The following TRAPPC9 variants were observed in gnomAD, a reference collection of about 807,000 sequenced individuals.
TRAPPC9 encodes IKK2 binding protein.
In TRAPPC9, 83 loss-of-function variants were observed where a neutral mutation model predicts 124.0. That is an observed-to-expected ratio of 0.67 (90% CI 0.56 to 0.80). The LOEUF (loss-of-function observed/expected upper bound fraction) is 0.80. Among genes scored for constraint, TRAPPC9 ranks in the 30% least tolerant of loss-of-function variants. The probability of loss-of-function intolerance (pLI) is 0.00; values close to 1 mark genes in which losing one functional copy is unlikely to be tolerated. For synonymous variants in TRAPPC9, 638 were observed against 617.5 expected, an observed-to-expected ratio of 1.03 and a Z score of -0.49; for missense variants, 1,302 against 1,508.3, an observed-to-expected ratio of 0.86 and a Z score of 2.27.
At chr8:140,305,752 C>T (rs1241119140) in intron 10 of TRAPPC9, among the ~76,000 whole-genome samples, 1 of 152,088 alleles carries the variant, frequency 6.6e-6, no homozygotes, top group Non-Finnish European at 1.5e-5. Context: ...GGCAAAATTC[C>T]CTGAAACCTC....
chr8:140,120,829 A>G (rs561735250), intron 17 of TRAPPC9, among the ~76,000 whole-genome samples: 4 of 150,412 alleles, frequency 2.7e-5, no homozygotes, highest in Admixed American at 6.6e-5. Flanking sequence ...ACATCCATCC[A>G]TCCATCCATC....
intron 18 of TRAPPC9, among the ~76,000 whole-genome samples, chr8:139,994,805 A>G (rs1030556876): frequency 6.6e-6 from 1 of 152,238 alleles, no homozygotes; most frequent in East Asian, 1.9e-4. Flanking sequence ...AGAGAGAATG[A>G]GCAGTTAAAG....
chr8:139,752,257 C>T (rs1300302919), intron 21 of TRAPPC9, among the ~76,000 whole-genome samples: 2 of 150,958 alleles, frequency 1.3e-5, no homozygotes, highest in Admixed American at 6.6e-5. Context: ...CACCCATCTA[C>T]CATCCATCCA....
chr8:140,079,556 C>T (rs933973204), intron 17 of TRAPPC9, among the ~76,000 whole-genome samples: 1 of 152,192 alleles, frequency 6.6e-6, no homozygotes, highest in African/African-American at 2.4e-5. Context: ...TCTCCCTACA[C>T]CCAAGGACCT....
chr8:140,399,151 A>C (rs539544496), intron 6 of TRAPPC9, among the ~76,000 whole-genome samples: 15 of 152,372 alleles, frequency 9.8e-5, no homozygotes, highest in Admixed American at 8.5e-4. Flanking sequence ...AGATGTATGG[A>C]AACAGCTGGA....
At chr8:139,884,991 T>G (rs1490573579) in intron 21 of TRAPPC9, among the ~76,000 whole-genome samples, 1 of 152,162 alleles carries the variant, frequency 6.6e-6, no homozygotes, top group African/African-American at 2.4e-5. Context: ...TGGAATCATT[T>G]CCATGTGTCT....
At chr8:140,395,756 T>C (rs1357961655) in intron 7 of TRAPPC9, among the ~76,000 whole-genome samples, 3 of 152,106 alleles carry the variant, frequency 2.0e-5, no homozygotes, top group Non-Finnish European at 2.9e-5. Flanking sequence ...CTCTCTCCTC[T>C]CTCCTCCACC....
rs776155126 is a variant in TRAPPC9, at chr8:140,033,658, G to GTTTTTTTTTTTTTTTTT, written c.2557-9596_2557-9580dup. Among the ~76,000 whole-genome samples, 6 of 42,396 alleles carry GTTTTTTTTTTTTTTTTT rather than the reference G, an allele frequency of 1.4e-4. 2 individuals are homozygous for GTTTTTTTTTTTTTTTTT. Among genetic ancestry groups the GTTTTTTTTTTTTTTTTT allele is most frequent in the Admixed American group, 3.7e-4 (1 of 2,678 alleles). 27.8% of individuals were successfully genotyped at this position (42,396 alleles called of 152,430 possible). A position where few individuals can be genotyped will look rare whatever the true frequency, so the allele number is the denominator to read the frequency against. On this transcript the variant is annotated intron_variant, in intron 17 of 22. Coordinates refer to ENST00000438773, the MANE Select transcript of TRAPPC9 (RefSeq NM_001160372.4). ...TTGAAATGCAACTCTTCATAATGTG[G>GTTTTTTTTTTTTTTTTT]TTTTTTTTTTTTTTTTTTTTTTTTT...
chr8:139,809,134 A>G (rs1386829662), intron 21 of TRAPPC9, among the ~76,000 whole-genome samples: 1 of 152,254 alleles, frequency 6.6e-6, no homozygotes, highest in African/African-American at 2.4e-5. Context: ...CTAGGAAACA[A>G]ATGCCAGATC....
At chr8:139,762,452 C>T (rs752204920) in intron 21 of TRAPPC9, among the ~76,000 whole-genome samples, 1 of 152,056 alleles carries the variant, frequency 6.6e-6, no homozygotes, top group Non-Finnish European at 1.5e-5. Context: ...GAGGTCAAGC[C>T]TCTACACACC....
chr8:140,142,762 T>C (rs1587798134), intron 17 of TRAPPC9, among the ~76,000 whole-genome samples: 3 of 152,370 alleles, frequency 2.0e-5, no homozygotes, highest in African/African-American at 7.2e-5. Flanking sequence ...AGCCACGTTA[T>C]TAGTTTACTG....
intron 17 of TRAPPC9, among the ~76,000 whole-genome samples, chr8:140,214,953 A>G (rs115717691): frequency 0.014 from 2,078 of 152,262 alleles, 43 homozygotes; most frequent in African/African-American, 0.044. Context: ...GCACGATTCC[A>G]ATTAAATCAC....
intron 21 of TRAPPC9, among the ~76,000 whole-genome samples, chr8:139,803,300 T>A (rs921443526): frequency 6.6e-6 from 1 of 152,200 alleles, no homozygotes; most frequent in African/African-American, 2.4e-5. Context: ...GCAACGTCCG[T>A]TGGAAACTCT....
chr8:140,028,743 C>T lies in TRAPPC9; in HGVS notation c.2557-4664G>A, dbSNP rs890697467. Among the ~76,000 whole-genome samples the T allele has an allele frequency of 2.0e-5, 3 of 152,144 alleles. No individual in the cohort carries two copies. In the South Asian group the frequency reaches 6.2e-4, roughly 32 times the overall value. On this transcript the variant is annotated intron_variant, in intron 17 of 22. Transcript: ENST00000438773. ...CTGGTAAAAGAAACAAGCCTTGATG[C>T]CTCTGAGTAAATTGTGACACGTTGT...
At position 139,843,464 on chromosome 8, in the gene TRAPPC9, C is replaced by T. The variant is rs369146167; in HGVS notation, c.3055+42415G>A. On this transcript the variant is annotated intron_variant, in intron 21 of 22. Coordinates refer to ENST00000438773, the MANE Select transcript of TRAPPC9 (RefSeq NM_001160372.4). ...TTCATAGCAGGTGTGATAGGCAGAA[C>T]GATCCCTCCCAAAGATCCTGACCCA... 3.0e-4 allele frequency among the ~76,000 whole-genome samples: 45 copies of T among 152,306 alleles called. No homozygotes were observed. In the South Asian group the frequency reaches 5.8e-3, roughly 20 times the overall value.
chr8:140,236,069 A>G (rs1372201116), intron 16 of TRAPPC9, among the ~76,000 whole-genome samples: 1 of 147,076 alleles, frequency 6.8e-6, no homozygotes, highest in African/African-American at 2.5e-5. Flanking sequence ...AAGAAAGTAC[A>G]CTGTATTTCC....
intron 20 of TRAPPC9, among the ~76,000 whole-genome samples, chr8:139,890,945 T>C (rs1474777416): frequency 6.6e-6 from 1 of 151,844 alleles, no homozygotes; most frequent in Non-Finnish European, 1.5e-5. Context: ...GCTGTTCAGC[T>C]CCGTGATTAG....
In TRAPPC9 at chr8:139,869,819, G is replaced by A. The variant is rs138857316; in HGVS notation, c.3055+16060C>T. On this transcript the variant is annotated intron_variant, in intron 21 of 22. Transcript: ENST00000438773. ...TTTTAAAAACTATCTTTTAACTCTC[G>A]GGACAGAAGTGAAATATAAATTAAT... Among the ~76,000 whole-genome samples, 7 of 151,858 alleles carry A rather than the reference G, an allele frequency of 4.6e-5. No homozygotes were observed. The East Asian group carries it at 9.7e-4, about 21-fold the overall frequency.
At chr8:140,118,892 G>A (rs1226809201) in intron 17 of TRAPPC9, among the ~76,000 whole-genome samples, 2 of 152,254 alleles carry the variant, frequency 1.3e-5, no homozygotes, top group African/African-American at 2.4e-5. Context: ...CCTGCGGCCT[G>A]GCCCTGCAGT....
Sources: gnomAD v4.1 joint callset for allele counts (sites outside exome capture counted in the v4.1 genomes callset) on GRCh38, gnomAD v4.1.1 for gene constraint, MANE v1.5 for transcripts, NCBI Gene and HGNC (gene_info 2026-07-23, HGNC 2026-07-21) for gene names.